Variants in LAMA5 observed in about 807,000 individuals in gnomAD.
The protein encoded by LAMA5 is laminin subunit alpha-5.
Under a neutral mutation model 433.4 loss-of-function variants are expected in LAMA5, and 260 were observed. The observed-to-expected ratio is 0.60, with a 90% CI of 0.54 to 0.66. The LOEUF (loss-of-function observed/expected upper bound fraction) is 0.66, where lower values mean the gene tolerates loss of function less well. Ranked by LOEUF, LAMA5 falls within the 30% of genes least tolerant of loss-of-function variation. The pLI is 0.00. For missense variants in LAMA5, 5,378 were observed against 5,258.5 expected, an observed-to-expected ratio of 1.02 and a Z score of -0.70; for synonymous variants, 2,620 against 2,226.6, an observed-to-expected ratio of 1.18 and a Z score of -4.97.
intron 57 of LAMA5, chr20:62,316,348 T>G: frequency 1.8e-6 from 1 of 546,820 alleles, no homozygotes; most frequent in Non-Finnish European, 3.3e-6. Flanking sequence ...CTCACACCTT[T>G]CTCATTGCGC....
chr20:62,334,402 G>C, intron 21 of LAMA5, 60 bp from the exon 22 acceptor site: 1 of 1,528,842 alleles, frequency 6.5e-7, no homozygotes, highest in Non-Finnish European at 8.8e-7. Context: ...CCTGCACAGC[G>C]GCCCCGGGTC....
intron 2 of LAMA5, among the ~76,000 whole-genome samples, chr20:62,361,061 C>T (rs1014627377): frequency 2.0e-5 from 3 of 152,234 alleles, no homozygotes; most frequent in East Asian, 1.9e-4. Context: ...GGAGGAGAGG[C>T]GGGAAGAACT....
In LAMA5 at chr20:62,310,581, G is replaced by T; in HGVS notation, c.10447-9C>A. 6.4e-7 allele frequency: 1 copy of T among 1,561,812 alleles called. No individual in the cohort carries two copies. On this transcript the variant is annotated splice_polypyrimidine_tract_variant and intron_variant, in intron 75 of 79. Transcript: ENST00000252999. ...CTGAACCCGACGGTCACCTATAGGA[G>T]CAGACCGGGCAGGGATCAGGGCCCA...
chr20:62,317,166 G>C, intron 55 of LAMA5, 143 bp from the exon 56 acceptor site: 1 of 1,192,980 alleles, frequency 8.4e-7, no homozygotes, highest in East Asian at 2.6e-5. Flanking sequence ...CCTGTCGCCT[G>C]CTGGGTGTAC....
In LAMA5 at chr20:62,347,031, G is replaced by T; in HGVS notation, c.957-3C>A. ...TGTGCTGGCAGGTGCACTGCAGCCT[G>T]TGGGGTACACAGGAGGGGGGATCAG... On this transcript the variant is annotated splice_polypyrimidine_tract_variant and splice_region_variant and intron_variant, in intron 6 of 79. Coordinates refer to ENST00000252999, the MANE Select transcript of LAMA5 (RefSeq NM_005560.6). 1 of 1,609,380 alleles carries T rather than the reference G, an allele frequency of 6.2e-7. No homozygotes were observed. Among genetic ancestry groups the T allele is most frequent in the Non-Finnish European group, 8.5e-7 (1 of 1,178,564 alleles).
rs2146134808 is a variant in LAMA5, at chr20:62,323,851, G to A, written c.5774C>T (p.Ala1925Val). The stretch of plus-strand genomic sequence containing the variant: ...GCCGCCTCGCAGGACACAGCCCTCG[G>A]CGAAGCTGCAAAGACCAGCAGCGTC... ...CPLSVPSNNF[A>V]EGCVLRGGRT... is the part of the protein sequence containing the mutation. Residue 1925 changes from alanine to valine, a missense_variant, in exon 44 of 80, where the codon GCC becomes GTC. Ala to Val is a moderately conservative substitution (Grantham distance 64). Transcript: ENST00000252999. The A allele has an allele frequency of 1.2e-6, 2 of 1,604,988 alleles. No individual in the cohort carries two copies. The highest frequency in any genetic ancestry group is 1.3e-5 in the African/African-American group (1 of 74,800).
Position 62,317,704 on chromosome 20 carries a change from G to A in LAMA5, c.7314C>T (p.Ala2438=), listed in dbSNP as rs765756241. Residue 2438 remains alanine (A), a synonymous_variant, in exon 54 of 80, where the codon GCC becomes GCT. Coordinates refer to ENST00000252999, the MANE Select transcript of LAMA5 (RefSeq NM_005560.6). ...ATLHAARDTL[A]SVFRLLHSLD... ...GGCTGTGCAGCAATCTGAAGACGCT[G>A]GCCAGGGTGTCCCTAGCCGCATGCA... 418 of 1,604,178 alleles carry A rather than the reference G, an allele frequency of 2.6e-4. 1 individual carries two copies. Among genetic ancestry groups the A allele is most frequent in the Non-Finnish European group, 8.3e-5 (98 of 1,176,278 alleles).
At position 62,320,629 on chromosome 20, in the gene LAMA5, G is replaced by A; in HGVS notation, c.6689C>T (p.Ala2230Val). ...CTGCTCCAGCACCTCCAGCTGCTGT[G>A]CCGTCTCATGGCGGGGGCCCAGGGG... ...RSPLGPRHETAQQLEVLEQQS... is the reference protein window; with the variant it reads ...RSPLGPRHETVQQLEVLEQQS... The change falls in exon 50 of 80, where the codon GCA (alanine) becomes GTA (valine). Residue 2230 changes from alanine (A) to valine (V), a missense_variant. By Grantham distance (64) the Ala-to-Val change is moderately conservative (BLOSUM62 0). Coordinates refer to ENST00000252999, the MANE Select transcript of LAMA5 (RefSeq NM_005560.6). 1 of 1,610,068 alleles carries A rather than the reference G, an allele frequency of 6.2e-7. No individual in the cohort carries two copies. Among genetic ancestry groups the A allele is most frequent in the Non-Finnish European group, 8.5e-7 (1 of 1,179,086 alleles).
chr20:62,347,141 G>A (rs1983523361), intron 6 of LAMA5, 113 bp from the exon 7 acceptor site: 2 of 741,290 alleles, frequency 2.7e-6, no homozygotes, highest in South Asian at 3.3e-5. Flanking sequence ...TTGCCACATG[G>A]ACACGGCCCC....
At position 62,325,394 on chromosome 20, in the gene LAMA5, G is replaced by A; in HGVS notation, c.5451C>T (p.Ser1817=). The A allele has an allele frequency of 6.2e-7, 1 of 1,611,520 alleles. No individual in the cohort carries two copies. The highest frequency in any genetic ancestry group is 8.5e-7 in the Non-Finnish European group (1 of 1,179,094). ...FLRRVALEVA[S]PAGQGALASN... ...TGGCCAGGGCCCCCTGGCCTGCTGG[G>A]CTGGCCACCTCCAGTGCCACCCTGC... The change falls in exon 41 of 80, where the codon AGC becomes AGT. Residue 1817 remains serine, a synonymous_variant. Transcript: ENST00000252999.
intron 4 of LAMA5, 21 bp from the exon 5 acceptor site, chr20:62,352,100 C>T (rs753030394): frequency 1.4e-5 from 22 of 1,608,558 alleles, no homozygotes; most frequent in East Asian, 4.5e-5. Flanking sequence ...TATGCGGTGA[C>T]GCCAGTGTGG....
Position 62,324,383 on chromosome 20 carries a change from A to AC in LAMA5, c.5643+57dup. The AC allele has an allele frequency of 6.8e-7, 1 of 1,479,844 alleles. No individual in the cohort carries two copies. The highest frequency in any genetic ancestry group is 1.8e-5 in the Admixed American group (1 of 54,146). The allele number at this position is 1,479,844 out of a possible 1,614,324, so 91.7% of individuals were successfully genotyped here. ...AGTGCAGCCCCTGGTCTTCCCTGGC[A>AC]CACTTGACTGTGCCTTCAGTGAATG... On this transcript the variant is annotated intron_variant, in intron 42 of 79. Transcript: ENST00000252999. This position sits in a 1 kb window ranked among gnomAD's most constrained non-coding sequence, Gnocchi z 4.4.
chr20:62,352,881 T>A, intron 3 of LAMA5: 1 of 470,770 alleles, frequency 2.1e-6, no homozygotes, highest in Non-Finnish European at 3.8e-6. Flanking sequence ...CATGAAGCCA[T>A]CCAGAGGCAG....
intron 11 of LAMA5, among the ~76,000 whole-genome samples, chr20:62,343,452 A>G (rs1226701117): frequency 6.6e-6 from 1 of 152,200 alleles, no homozygotes; most frequent in Admixed American, 6.5e-5. Flanking sequence ...CAAATGACCC[A>G]TCAGGAGAAA....
chr20:62,311,066 G>T lies in LAMA5; in HGVS notation c.10117C>A (p.Arg3373=), dbSNP rs747107306. 7 of 1,594,450 alleles carry T rather than the reference G, an allele frequency of 4.4e-6. No homozygotes were observed. The African/African-American group carries it at 6.7e-5, about 15-fold the overall frequency. ...WPSLSMHVLP[R]SSRGLLLFTA... is the part of the protein sequence containing the mutation. The stretch of plus-strand genomic sequence containing the variant: ...AAGAGGAGGAGGCCTCGGGAGCTTC[G>T]CGGGAGGACGTGCATGGAGAGACTG... The change falls in exon 74 of 80, where the codon CGA becomes AGA. Residue 3373 remains arginine, a synonymous_variant. Coordinates refer to ENST00000252999, the MANE Select transcript of LAMA5 (RefSeq NM_005560.6).
At chr20:62,323,359 A>G (rs996820740) in intron 45 of LAMA5, 97 bp downstream of exon 45, 4 of 1,022,916 alleles carry the variant, frequency 3.9e-6, no homozygotes, top group African/African-American at 1.6e-5. Flanking sequence ...GGGCCCCAGC[A>G]TCAGGCACAC....
chr20:62,343,498 G>T (rs760894692), intron 11 of LAMA5, among the ~76,000 whole-genome samples: 1 of 152,190 alleles, frequency 6.6e-6, no homozygotes, highest in African/African-American at 2.4e-5. Flanking sequence ...GATACAGGCT[G>T]GGCGCAGAGG....
At position 62,336,569 on chromosome 20, in the gene LAMA5, G is replaced by A. The variant is rs565319253; in HGVS notation, c.2218-124C>T. The A allele has an allele frequency of 1.7e-5, 19 of 1,113,712 alleles. No homozygotes were observed. The South Asian group carries it at 2.3e-4, about 14-fold the overall frequency. The allele number at this position is 1,113,712 out of a possible 1,614,324, so 69.0% of individuals were successfully genotyped here. ...GGGCCCTCACCTGTGACTCACAGGA[G>A]TCACCTGCAGTGGGGGCAGAGGACC... On this transcript the variant is annotated intron_variant, in intron 17 of 79. Coordinates refer to ENST00000252999, the MANE Select transcript of LAMA5 (RefSeq NM_005560.6).
chr20:62,330,390 C>G, intron 31 of LAMA5, 98 bp downstream of exon 31: 3 of 1,412,952 alleles, frequency 2.1e-6, no homozygotes, highest in Non-Finnish European at 2.8e-6. Flanking sequence ...GTCATGTTGC[C>G]TGTCGCTCAT....
Sources: gnomAD v4.1 joint callset for allele counts (sites outside exome capture counted in the v4.1 genomes callset) on GRCh38, gnomAD v4.1.1 for gene constraint, Gnocchi (gnomAD v3.1) non-coding constraint, MANE v1.5 for transcripts, NCBI Gene and HGNC (gene_info 2026-07-23, HGNC 2026-07-21) for gene names.